PHF20: variants seen among roughly 807,000 people sequenced by gnomAD.
The protein encoded by PHF20 is glioma-expressed antigen 2.
PHF20 carries 23 observed loss-of-function variants against 113.5 expected under a neutral mutation model. That is an observed-to-expected ratio of 0.20 (90% CI 0.15 to 0.29). PHF20 has a LOEUF of 0.29. Ranked by LOEUF, PHF20 falls within the 10% of genes least tolerant of loss-of-function variation. The probability of loss-of-function intolerance (pLI) is 1.00; values close to 1 mark genes in which losing one functional copy is unlikely to be tolerated. For synonymous variants in PHF20, 434 were observed against 457.3 expected, an observed-to-expected ratio of 0.95 and a Z score of 0.65; for missense variants, 943 against 1,219.6, an observed-to-expected ratio of 0.77 and a Z score of 3.38.
In PHF20 at chr20:35,847,490, T is replaced by C. The variant is rs1477557245; in HGVS notation, c.340+56T>C. ...TCATGACTTAGGTGGTGGGGGGGGA[T>C]GTTTGTAATATCAGAGCTTGATAGT... On this transcript the variant is annotated intron_variant, in intron 4 of 17. Coordinates refer to ENST00000374012, the MANE Select transcript of PHF20 (RefSeq NM_016436.5). The C allele has an allele frequency of 2.9e-6, 3 of 1,052,344 alleles. No individual in the cohort carries two copies. The Admixed American group carries it at 5.3e-5, about 19-fold the overall frequency. The allele number at this position is 1,052,344 out of a possible 1,614,324, so 65.2% of individuals were successfully genotyped here.
intron 1 of PHF20, among the ~76,000 whole-genome samples, chr20:35,791,922 A>G (rs561216474): frequency 6.6e-6 from 1 of 152,278 alleles, no homozygotes; most frequent in South Asian, 2.1e-4. Flanking sequence ...TAAGGGTAAG[A>G]TGATTAGCTC....
intron 9 of PHF20, among the ~76,000 whole-genome samples, chr20:35,894,084 A>C (rs551989127): frequency 1.3e-5 from 2 of 152,254 alleles, no homozygotes; most frequent in Non-Finnish European, 2.9e-5. Context: ...TGAAATGTGA[A>C]TAGTCATACT....
chr20:35,825,598 G>A (rs963546692), intron 2 of PHF20, among the ~76,000 whole-genome samples: 5 of 152,080 alleles, frequency 3.3e-5, no homozygotes, highest in African/African-American at 1.2e-4. Context: ...CTCCTTAAAG[G>A]TATAAGACAT....
chr20:35,871,574 T>A, intron 8 of PHF20, 76 bp from the exon 9 acceptor site: 1 of 1,265,140 alleles, frequency 7.9e-7, no homozygotes, highest in Non-Finnish European at 1.1e-6. Context: ...CCTGGCTTTC[T>A]TAGACTGTTG....
At chr20:35,870,107 ATC>A (rs2054391769) in intron 7 of PHF20, among the ~76,000 whole-genome samples, 5 of 151,910 alleles carry the variant, frequency 3.3e-5, no homozygotes, top group African/African-American at 1.2e-4. Context: ...GATTGAGACC[ATC>A]TTGGCTAACA....
chr20:35,875,996 G>A lies in PHF20; in HGVS notation c.1282+4167G>A, dbSNP rs183999461. 3.9e-5 allele frequency among the ~76,000 whole-genome samples: 6 copies of A among 152,314 alleles called. No individual in the cohort carries two copies. The East Asian group carries it at 9.6e-4, about 24-fold the overall frequency. On this transcript the variant is annotated intron_variant, in intron 9 of 17. Transcript: ENST00000374012. ...TGTGGAGAGGACAGAATCAAGTATA[G>A]TAAGGGTGGGACAGGTGAGTCTAGG...
intron 2 of PHF20, among the ~76,000 whole-genome samples, chr20:35,805,564 A>G (rs1472091251): frequency 6.6e-6 from 1 of 151,170 alleles, no homozygotes; most frequent in African/African-American, 2.4e-5. Context: ...GCCAAGATTT[A>G]CCTCGTGATC....
chr20:35,878,482 T>C, intron 9 of PHF20: 1 of 575,300 alleles, frequency 1.7e-6, no homozygotes, highest in East Asian at 3.0e-5. Context: ...TGTTTCCCTT[T>C]CTGAATTCAT....
chr20:35,903,692 G>C (rs2055146378), intron 10 of PHF20, among the ~76,000 whole-genome samples: 1 of 152,210 alleles, frequency 6.6e-6, no homozygotes, highest in Non-Finnish European at 1.5e-5. Flanking sequence ...CTGTGATCCA[G>C]ATGGAAAATT....
intron 15 of PHF20, among the ~76,000 whole-genome samples, chr20:35,932,783 T>G (rs1188574619): frequency 6.6e-6 from 1 of 152,164 alleles, no homozygotes; most frequent in Non-Finnish European, 1.5e-5. Flanking sequence ...ATTCATGTTG[T>G]TTTACAACCA....
At chr20:35,906,179 G>A (rs1765752710) in intron 10 of PHF20, among the ~76,000 whole-genome samples, 1 of 152,210 alleles carries the variant, frequency 6.6e-6, no homozygotes, top group Non-Finnish European at 1.5e-5. Context: ...GAGCCTTGGG[G>A]CACTGGAGTG....
intron 14 of PHF20, among the ~76,000 whole-genome samples, chr20:35,929,067 C>A (rs1000150960): frequency 2.0e-5 from 3 of 152,224 alleles, no homozygotes; most frequent in Non-Finnish European, 4.4e-5. Context: ...CCCCTGATTC[C>A]TTTAGAGCTA....
intron 2 of PHF20, among the ~76,000 whole-genome samples, chr20:35,840,125 AG>A (rs2042514288): frequency 6.6e-6 from 1 of 152,186 alleles, no homozygotes. Context: ...TAAGAAAGGA[AG>A]GAAGTGGTAC....
At chr20:35,830,790 T>C (rs2042345605) in intron 2 of PHF20, among the ~76,000 whole-genome samples, 1 of 152,056 alleles carries the variant, frequency 6.6e-6, no homozygotes, top group Admixed American at 6.6e-5. Context: ...GTTGCATAGG[T>C]AAACTTGTAC....
At chr20:35,821,922 A>G (rs559101089) in intron 2 of PHF20, among the ~76,000 whole-genome samples, 1 of 152,350 alleles carries the variant, frequency 6.6e-6, no homozygotes, top group Admixed American at 6.5e-5. Context: ...GTACCAGTAG[A>G]TGGAATTACC....
Position 35,772,046 on chromosome 20 carries a change from T to G in PHF20, c.-66T>G, listed in dbSNP as rs2041064493. The G allele has an allele frequency of 6.6e-6, 1 of 151,784 alleles. No homozygotes were observed. Among genetic ancestry groups the G allele is most frequent in the African/African-American group, 2.4e-5 (1 of 41,282 alleles). The allele number at this position is 151,784 out of a possible 1,614,324, so 9.4% of individuals were successfully genotyped here. A position where few individuals can be genotyped will look rare whatever the true frequency, so the allele number is the denominator to read the frequency against. On this transcript the variant is annotated 5_prime_UTR_variant, in exon 1 of 18. Coordinates refer to ENST00000374012, the MANE Select transcript of PHF20 (RefSeq NM_016436.5). Reference sequence around the variant, plus strand: ...CACGCAGAGTCCTTCTGTCGGTTGGTCCTGGAGCGGCGCAGCCGGAGTGGG... The same window carrying G: ...CACGCAGAGTCCTTCTGTCGGTTGGGCCTGGAGCGGCGCAGCCGGAGTGGG...
In PHF20 at chr20:35,871,106, G is replaced by T; in HGVS notation, c.1074G>T (p.Thr358=). The change falls in exon 8 of 18, where the codon ACG becomes ACT. Residue 358 remains threonine, a synonymous_variant. Coordinates refer to ENST00000374012, the MANE Select transcript of PHF20 (RefSeq NM_016436.5). The part of the protein sequence containing the change: ...DLVDTDPLQD[T]LSSTKESEEG... The stretch of plus-strand genomic sequence containing the variant: ...TTGATACGGATCCTTTGCAAGACAC[G>T]TTGTCTAGTACCAAGGAATCTGAAG... 1.9e-6 allele frequency: 3 copies of T among 1,612,120 alleles called. No individual in the cohort carries two copies. The highest frequency in any genetic ancestry group is 8.5e-7 in the Non-Finnish European group (1 of 1,179,600).
intron 2 of PHF20, among the ~76,000 whole-genome samples, chr20:35,826,449 G>C (rs1003735431): frequency 2.0e-5 from 3 of 152,164 alleles, no homozygotes; most frequent in African/African-American, 7.2e-5. Flanking sequence ...GAAATAACCA[G>C]GGTTGGGTGG....
At chr20:35,921,129 C>T (rs1176506074) in intron 13 of PHF20, among the ~76,000 whole-genome samples, 1 of 152,068 alleles carries the variant, frequency 6.6e-6, no homozygotes, top group East Asian at 1.9e-4. Context: ...GTGAGACAAG[C>T]GTGATGCACA....
Sources: gnomAD v4.1 joint callset for allele counts (sites outside exome capture counted in the v4.1 genomes callset) on GRCh38, gnomAD v4.1.1 for gene constraint, MANE v1.5 for transcripts, NCBI Gene and HGNC (gene_info 2026-07-23, HGNC 2026-07-21) for gene names.